The following LTBP2 variants were observed in gnomAD, a reference collection of about 807,000 sequenced individuals.
LTBP2 encodes the protein latent transforming growth factor beta binding protein 2.
In LTBP2, 103 loss-of-function variants were observed where a neutral mutation model predicts 210.6. That is an observed-to-expected ratio of 0.49 (90% CI 0.42 to 0.58). The LOEUF is 0.58. LTBP2 is among the 20% of genes least tolerant of loss of function. The pLI is 0.00. For missense variants in LTBP2, 2,313 were observed against 2,494.5 expected, an observed-to-expected ratio of 0.93 and a Z score of 1.55; for synonymous variants, 1,007 against 1,015.0, an observed-to-expected ratio of 0.99 and a Z score of 0.15.
intron 3 of LTBP2, among the ~76,000 whole-genome samples, chr14:74,563,460 AT>A (rs1325495817): frequency 6.6e-6 from 1 of 152,196 alleles, no homozygotes; most frequent in African/African-American, 2.4e-5. Context: ...TGCTGGCAGA[AT>A]GGGGTAATAG....
At chr14:74,592,447 T>C (rs964907321) in intron 2 of LTBP2, among the ~76,000 whole-genome samples, 3 of 152,164 alleles carry the variant, frequency 2.0e-5, no homozygotes, top group South Asian at 2.1e-4. Flanking sequence ...GGCTGGAGGA[T>C]TGCCTTAGTC....
chr14:74,533,216 C>T (rs1250234686), intron 9 of LTBP2, among the ~76,000 whole-genome samples: 2 of 152,222 alleles, frequency 1.3e-5, no homozygotes, highest in Non-Finnish European at 2.9e-5. Flanking sequence ...TATAATACCC[C>T]ATTTAATTCT....
At chr14:74,591,667 A>G (rs149440339) in intron 2 of LTBP2, among the ~76,000 whole-genome samples, 183 of 152,286 alleles carry the variant, frequency 1.2e-3, no homozygotes, top group African/African-American at 4.1e-3. Flanking sequence ...GAGTGTTTGC[A>G]TTATGGGATT....
chr14:74,528,388 G>T, intron 12 of LTBP2, 95 bp downstream of exon 12: 2 of 1,384,240 alleles, frequency 1.4e-6, no homozygotes, highest in Non-Finnish European at 1.0e-6. Flanking sequence ...GAGATGGGAT[G>T]CCCAGGGACC....
intron 20 of LTBP2, 53 bp downstream of exon 20, chr14:74,510,038 G>A (rs935490950): frequency 9.3e-6 from 15 of 1,613,406 alleles, no homozygotes; most frequent in Non-Finnish European, 1.2e-5. Flanking sequence ...AGAGGGGAGG[G>A]AGCCACAAGC....
chr14:74,581,669 C>T (rs934806716), intron 3 of LTBP2, among the ~76,000 whole-genome samples: 2 of 152,184 alleles, frequency 1.3e-5, no homozygotes, highest in Admixed American at 6.5e-5. Context: ...ACCGAGCCCC[C>T]CTAGAGCCCC....
At chr14:74,592,020 G>T (rs781497496) in intron 2 of LTBP2, among the ~76,000 whole-genome samples, 4 of 152,106 alleles carry the variant, frequency 2.6e-5, no homozygotes, top group Non-Finnish European at 5.9e-5. Context: ...ACTGCATGTT[G>T]GTACTTAAGA....
chr14:74,516,909 T>G lies in LTBP2; in HGVS notation c.2821A>C (p.Ser941Arg). 1 of 1,551,928 alleles carries G rather than the reference T, an allele frequency of 6.4e-7. No individual in the cohort carries two copies. The highest frequency in any genetic ancestry group is 1.4e-5 in the African/African-American group (1 of 73,160). ...TCGGTGTTGGTGCACTGCCCCCCGC[T>G]GCACACCCCTGGCTGCTCACACTCA... ...INECEQPGVCSGGQCTNTEGS... is the reference protein window; with the variant it reads ...INECEQPGVCRGGQCTNTEGS... Residue 941 changes from serine (S) to arginine (R), a missense_variant, in exon 18 of 36, where the codon AGC becomes CGC. By Grantham distance (110) the Ser-to-Arg change is moderately radical. Coordinates refer to ENST00000261978, the MANE Select transcript of LTBP2 (RefSeq NM_000428.3).
chr14:74,550,004 T>C (rs1263367641), intron 7 of LTBP2, 39 bp from the exon 8 acceptor site: 2 of 1,311,726 alleles, frequency 1.5e-6, no homozygotes, highest in Admixed American at 1.7e-5. Context: ...ACCACCCCCC[T>C]TCCCTCCCAG....
chr14:74,508,097 T>C lies in LTBP2; in HGVS notation c.3653-2A>G, dbSNP rs1328703707. On this transcript the variant is annotated splice_acceptor_variant, in intron 24 of 35. Transcript: ENST00000261978. LOFTEE classifies it high-confidence loss of function. ...CTGTGGTGGCACACTCGTCCACATC[T>C]AGAGTAGAGATGGCTGTCAGCAGAC... is the stretch of plus-strand genomic sequence containing the variant. The C allele has an allele frequency of 6.2e-7, 1 of 1,613,562 alleles. No homozygotes were observed. The highest frequency in any genetic ancestry group is 8.5e-7 in the Non-Finnish European group (1 of 1,179,990).
At chr14:74,594,363 T>C (rs1278868486) in intron 2 of LTBP2, among the ~76,000 whole-genome samples, 1 of 152,152 alleles carries the variant, frequency 6.6e-6, no homozygotes, top group African/African-American at 2.4e-5. Context: ...TGGCTTCCAG[T>C]GCCACCCGCT....
chr14:74,521,026 C>T (rs781460906), intron 17 of LTBP2, among the ~76,000 whole-genome samples: 37 of 152,232 alleles, frequency 2.4e-4, no homozygotes, highest in Non-Finnish European at 4.3e-4. Context: ...GTGATTCTCC[C>T]GCTCCTCCGT....
chr14:74,506,121 G>C lies in LTBP2; in HGVS notation c.4104C>G (p.Phe1368Leu). 2 of 1,614,210 alleles carry C rather than the reference G, an allele frequency of 1.2e-6. No individual in the cohort carries two copies. Among genetic ancestry groups the C allele is most frequent in the Non-Finnish European group, 1.7e-6 (2 of 1,180,042 alleles). Residue 1368 changes from phenylalanine (F) to leucine (L), a missense_variant, in exon 28 of 36, where the codon TTC becomes TTG. Physicochemically the swap from Phe to Leu is conservative, Grantham distance 22 (BLOSUM62 0). This residue lies in a region of LTBP2 where 1,867 missense variants were observed against 1,976.9 expected (regional missense o/e 0.94). Transcript: ENST00000261978. ...CCAGGTCACTGGCACAGAGGCACAG[G>C]AAGGAGCCCTCCACGTTCTCACAGA... ...AALCENVEGS[F>L]LCLCASDLEE...
At position 74,611,610 on chromosome 14, in the gene LTBP2, G is replaced by T; in HGVS notation, c.335C>A (p.Ser112Ter). 1.3e-6 allele frequency: 2 copies of T among 1,565,382 alleles called. No individual in the cohort carries two copies. Among genetic ancestry groups the T allele is most frequent in the Non-Finnish European group, 8.6e-7 (1 of 1,161,634 alleles). The change falls in exon 1 of 36, where the codon TCG (serine) becomes TAG (stop). Residue 112 changes from serine to a stop codon, truncating the protein, a stop_gained. Transcript: ENST00000261978. LOFTEE classifies it high-confidence loss of function. ...EARRPSRAQQ[S>*]RRVQPPAQTR... Reference sequence around the variant, plus strand: ...CTGCGCAGGTGGCTGGACACGCCGCGACTGCTGCGCGCGGGACGGCCTCCT... The same window carrying T: ...CTGCGCAGGTGGCTGGACACGCCGCTACTGCTGCGCGCGGGACGGCCTCCT...
chr14:74,569,534 C>T (rs1011578915), intron 3 of LTBP2, among the ~76,000 whole-genome samples: 4 of 152,154 alleles, frequency 2.6e-5, no homozygotes, highest in African/African-American at 7.2e-5. Flanking sequence ...TAGAACAGGG[C>T]ATCTGCTCAT....
At chr14:74,543,942 T>C (rs929143537) in intron 8 of LTBP2, among the ~76,000 whole-genome samples, 1 of 152,186 alleles carries the variant, frequency 6.6e-6, no homozygotes, top group Admixed American at 6.5e-5. Context: ...GACCCCTGGC[T>C]CAGGCAGGTG....
At chr14:74,505,996 G>A (rs2086978329) in intron 28 of LTBP2, 52 bp downstream of exon 28, 9 of 1,606,816 alleles carry the variant, frequency 5.6e-6, no homozygotes, top group Middle Eastern at 1.7e-4. Flanking sequence ...AGAGGGACAC[G>A]CTCTCTGTAA....
rs940853917 is a variant in LTBP2, at chr14:74,532,657, AGAGC to A, written c.1865-113_1865-110del. On this transcript the variant is annotated intron_variant, in intron 9 of 35. Coordinates refer to ENST00000261978, the MANE Select transcript of LTBP2 (RefSeq NM_000428.3). Reference sequence around the variant, plus strand: ...TCTCTCCAGATAAAACAACAACAAAAGAGCTGCTATGTATTCAGTGGGATTCCTC... The same window carrying A: ...TCTCTCCAGATAAAACAACAACAAAATGCTATGTATTCAGTGGGATTCCTC... 5 of 1,288,438 alleles carry A rather than the reference AGAGC, an allele frequency of 3.9e-6. No homozygotes were observed. The African/African-American group carries it at 5.9e-5, about 15-fold the overall frequency. 79.8% of individuals were successfully genotyped at this position (1,288,438 alleles called of 1,614,324 possible).
Position 74,522,015 on chromosome 14 carries a change from G to C in LTBP2, c.2684C>G (p.Pro895Arg), listed in dbSNP as rs2087210062. Residue 895 changes from proline to arginine, a missense_variant, in exon 17 of 36, where the codon CCC becomes CGC. Physicochemically the swap from Pro to Arg is moderately radical, Grantham distance 103. Transcript: ENST00000261978. ...GATGCAGCGCCCTTTTCCCTTGCAGGGGTCCCTCAGACACTCGTTGTCATC... is the reference window on the plus strand; with the variant it reads ...GATGCAGCGCCCTTTTCCCTTGCAGCGGTCCCTCAGACACTCGTTGTCATC... The part of the protein sequence containing the change: ...CTDDNECLRD[P>R]CKGKGRCINR... The C allele has an allele frequency of 1.2e-6, 2 of 1,613,482 alleles. No homozygotes were observed. The highest frequency in any genetic ancestry group is 1.7e-6 in the Non-Finnish European group (2 of 1,179,754).
Sources: gnomAD v4.1 joint callset for allele counts (sites outside exome capture counted in the v4.1 genomes callset) on GRCh38, gnomAD v4.1.1 for gene constraint, gnomAD v4.1.1 regional missense constraint, MANE v1.5 for transcripts, NCBI Gene and HGNC (gene_info 2026-07-23, HGNC 2026-07-21) for gene names.